MIR17HG: variants seen among roughly 807,000 people sequenced by gnomAD.
MIR17HG encodes MIR17 host gene (non-protein coding).
chr13:91,350,703 G>A (rs750083671), intron 3 of MIR17HG: 2 of 533,948 alleles, frequency 3.7e-6, no homozygotes, highest in East Asian at 1.1e-4. Flanking sequence ...GCCTCGGGAA[G>A]CCAAGTTGGG....
At chr13:91,348,427 G>A (rs1875080073) in intron 1 of MIR17HG, among the ~76,000 whole-genome samples, 2 of 150,854 alleles carry the variant, frequency 1.3e-5, no homozygotes. Flanking sequence ...GGCGGCGGCG[G>A]CACATGGGGC....
chr13:91,352,511 ACC>A (rs1875369288), intron 3 of MIR17HG: 1 of 152,252 alleles, frequency 6.6e-6, no homozygotes, highest in East Asian at 1.9e-4. Context: ...AGGTTAGACC[ACC>A]CAATAAATCT....
chr13:91,353,109 CAAAAA>C (rs549062236), intron 3 of MIR17HG, among the ~76,000 whole-genome samples: 88 of 28,880 alleles, frequency 3.0e-3, no homozygotes, highest in African/African-American at 5.7e-3. Context: ...GACTTAAACG[CAAAAA>C]AAAAAAAAAA....
chr13:91,351,957 T>A (rs1233032783), intron 3 of MIR17HG: 1 of 153,778 alleles, frequency 6.5e-6, no homozygotes, highest in Non-Finnish European at 1.4e-5. Flanking sequence ...GTCAGTGATT[T>A]ATAAGCTATA....
chr13:91,348,832 G>A (rs1451205045), intron 1 of MIR17HG, among the ~76,000 whole-genome samples: 4 of 149,628 alleles, frequency 2.7e-5, no homozygotes, highest in Non-Finnish European at 6.0e-5. Context: ...GGCGGCGACT[G>A]CGCGCCGCCG....
At chr13:91,347,947 G>T (rs918297289) in exon 1 of MIR17HG, 4 of 151,802 alleles carry the variant, frequency 2.6e-5, no homozygotes, top group Non-Finnish European at 4.4e-5. Context: ...GATGGTGGCG[G>T]CTACTCCTCC....
intron 1 of MIR17HG, among the ~76,000 whole-genome samples, chr13:91,349,334 C>G (rs1201281551): frequency 6.6e-6 from 1 of 151,802 alleles, no homozygotes; most frequent in Non-Finnish European, 1.5e-5. Context: ...CTTGCAGCCA[C>G]GAGGTCTTGA....
intron 2 of MIR17HG, chr13:91,350,009 T>C (rs1875213303): frequency 6.5e-6 from 1 of 152,736 alleles, no homozygotes. Flanking sequence ...TTACGAAATA[T>C]AATTTTAGAC....
chr13:91,349,023 G>A (rs531651566), intron 1 of MIR17HG, among the ~76,000 whole-genome samples: 1 of 151,068 alleles, frequency 6.6e-6, no homozygotes, highest in Non-Finnish European at 1.5e-5. Flanking sequence ...GCCGGGAAAC[G>A]GGTTGGGGGG....
intron 1 of MIR17HG, among the ~76,000 whole-genome samples, chr13:91,348,703 T>G (rs1875099114): frequency 6.7e-6 from 1 of 150,360 alleles, no homozygotes; most frequent in Non-Finnish European, 1.5e-5. Flanking sequence ...TGGAGCCGCC[T>G]GCGCCCGGCC....
intron 1 of MIR17HG, among the ~76,000 whole-genome samples, chr13:91,349,020 A>G (rs1875132138): frequency 6.6e-6 from 1 of 150,798 alleles, no homozygotes; most frequent in Non-Finnish European, 1.5e-5. Context: ...GCCGCCGGGA[A>G]ACGGGTTGGG....
At chr13:91,353,453 A>G (rs372057090) in intron 3 of MIR17HG, among the ~76,000 whole-genome samples, 1 of 152,212 alleles carries the variant, frequency 6.6e-6, no homozygotes, top group African/African-American at 2.4e-5. Context: ...AGGGTTTAAT[A>G]GGAATTGCTT....
exon 4 of MIR17HG, chr13:91,354,405 C>A (rs543246053): frequency 3.9e-5 from 6 of 152,250 alleles, no homozygotes; most frequent in East Asian, 1.9e-4. Context: ...ATTTTCTTAT[C>A]CAGTAATGTA....
At chr13:91,348,200 G>A (rs2138687156) in intron 1 of MIR17HG, among the ~76,000 whole-genome samples, 1 of 149,438 alleles carries the variant, frequency 6.7e-6, no homozygotes, top group East Asian at 2.0e-4. Context: ...GGGAGGGGGC[G>A]GCGTGCGCGT....
chr13:91,352,410 T>C (rs1264297978), intron 3 of MIR17HG: 2 of 152,132 alleles, frequency 1.3e-5, no homozygotes, highest in Non-Finnish European at 2.9e-5. Flanking sequence ...CAGGCAAACT[T>C]GATGTTTGAA....
At chr13:91,350,289 ATTTTG>A (rs762750831) in intron 3 of MIR17HG, 15 of 199,794 alleles carry the variant, frequency 7.5e-5, no homozygotes, top group Non-Finnish European at 1.6e-4. Flanking sequence ...TTGCAGTCTC[ATTTTG>A]TTTTGTTTTT....
chr13:91,350,574 C>T (rs1238315265), intron 3 of MIR17HG: 2 of 533,486 alleles, frequency 3.7e-6, no homozygotes, highest in East Asian at 5.4e-5. Context: ...AAAAAGAGAA[C>T]ATCACCTTGT....
At chr13:91,348,507 G>C (rs866708504) in intron 1 of MIR17HG, among the ~76,000 whole-genome samples, 8 of 151,452 alleles carry the variant, frequency 5.3e-5, no homozygotes, top group South Asian at 2.1e-4. Context: ...GCGTGGGCGG[G>C]AGCCCGCGGT....
chr13:91,348,749 G>C (rs1005435460), intron 1 of MIR17HG, among the ~76,000 whole-genome samples: 8 of 150,428 alleles, frequency 5.3e-5, no homozygotes, highest in Non-Finnish European at 4.5e-5. Context: ...GGCCAGCCCG[G>C]CTCGGCGGGA....
Sources: allele counts gnomAD v4.1 joint callset (sites outside exome capture counted in the v4.1 genomes callset), GRCh38; gene constraint gnomAD v4.1.1; transcripts MANE v1.5; gene names NCBI Gene and HGNC (gene_info 2026-07-23, HGNC 2026-07-21).